The following MAP3K20 variants were observed in gnomAD, a reference collection of about 807,000 sequenced individuals.
MAP3K20 encodes the protein HCCS-4.
In MAP3K20, 40 loss-of-function variants were observed where a neutral mutation model predicts 85.7. The ratio of observed to expected loss-of-function variants is 0.47; its 90% CI spans 0.36 to 0.61. The LOEUF (loss-of-function observed/expected upper bound fraction) is 0.61, where lower values mean the gene tolerates loss of function less well. Ranked by LOEUF, MAP3K20 falls within the 20% of genes least tolerant of loss-of-function variation. The pLI is 0.00. For synonymous variants in MAP3K20, 325 were observed against 327.7 expected, an observed-to-expected ratio of 0.99 and a Z score of 0.09; for missense variants, 817 against 961.7, an observed-to-expected ratio of 0.85 and a Z score of 1.99.
intron 2 of MAP3K20, among the ~76,000 whole-genome samples, chr2:173,125,116 C>T (rs1688405124): frequency 1.3e-5 from 2 of 152,198 alleles, no homozygotes; most frequent in South Asian, 2.1e-4. Context: ...AGTTAATCCA[C>T]AACTTGCACA....
chr2:173,218,253 GAATAA>G (rs1431633959), intron 11 of MAP3K20, among the ~76,000 whole-genome samples: 3 of 152,216 alleles, frequency 2.0e-5, no homozygotes, highest in African/African-American at 7.2e-5. Context: ...AGTGTCTAAA[GAATAA>G]AATAGTTTGT....
chr2:173,115,969 G>C (rs1688111263), intron 2 of MAP3K20, among the ~76,000 whole-genome samples: 1 of 151,474 alleles, frequency 6.6e-6, no homozygotes. Context: ...AGGCGAAGGG[G>C]AAGCAAGCAT....
At chr2:173,205,112 A>AT (rs1683635271) in intron 9 of MAP3K20, among the ~76,000 whole-genome samples, 5 of 139,916 alleles carry the variant, frequency 3.6e-5, no homozygotes, top group South Asian at 2.5e-4. Flanking sequence ...CAAAAAAAAA[A>AT]AAAAAAAAAA....
chr2:173,163,141 A>C (rs1271273654), intron 2 of MAP3K20, among the ~76,000 whole-genome samples: 1 of 152,244 alleles, frequency 6.6e-6, no homozygotes, highest in East Asian at 1.9e-4. Context: ...TTTAACTTTT[A>C]GGTTTAGGGG....
In MAP3K20 at chr2:173,132,778, C is replaced by G. The variant is rs549274473; in HGVS notation, c.160-37027C>G. On this transcript the variant is annotated intron_variant, in intron 2 of 19. Coordinates refer to ENST00000375213, the MANE Select transcript of MAP3K20 (RefSeq NM_016653.3). ...TAGCTTTGTGACCCAGGGCCCATTACACAACCACTAAATCTCTTTCTTCAT... is the reference window on the plus strand; with the variant it reads ...TAGCTTTGTGACCCAGGGCCCATTAGACAACCACTAAATCTCTTTCTTCAT... Among the ~76,000 whole-genome samples the G allele has an allele frequency of 9.7e-4, 148 of 152,268 alleles. 1 individual carries two copies. The highest frequency in any genetic ancestry group is 3.5e-3 in the African/African-American group (146 of 41,572).
chr2:173,114,848 C>T lies in MAP3K20; in HGVS notation c.159+23658C>T, dbSNP rs180809472. Reference sequence around the variant, plus strand: ...TGACAGTTCTTAAGATTCTTTCCTTCGTCTTAACTTTGGATAACCTGATGA... The same window carrying T: ...TGACAGTTCTTAAGATTCTTTCCTTTGTCTTAACTTTGGATAACCTGATGA... On this transcript the variant is annotated intron_variant, in intron 2 of 19. Coordinates refer to ENST00000375213, the MANE Select transcript of MAP3K20 (RefSeq NM_016653.3). 2.3e-3 allele frequency among the ~76,000 whole-genome samples: 344 copies of T among 152,270 alleles called. 1 individual carries two copies. The Middle Eastern group carries it at 0.027, about 12-fold the overall frequency.
chr2:173,260,976 T>C (rs1274167342), intron 17 of MAP3K20, 87 bp from the exon 18 acceptor site: 2 of 1,206,916 alleles, frequency 1.7e-6, no homozygotes, highest in African/African-American at 1.5e-5. Flanking sequence ...TTGCTAATTG[T>C]GTATGGCACA....
At chr2:173,086,030 A>C (rs1165790051) in intron 1 of MAP3K20, among the ~76,000 whole-genome samples, 2 of 151,954 alleles carry the variant, frequency 1.3e-5, no homozygotes, top group Admixed American at 6.6e-5. Context: ...TCCTGACCTC[A>C]AGTGATCCAC....
At chr2:173,220,472 T>C (rs1168700524) in intron 11 of MAP3K20, among the ~76,000 whole-genome samples, 1 of 147,570 alleles carries the variant, frequency 6.8e-6, no homozygotes, top group Admixed American at 6.8e-5. Context: ...TACTTACGTC[T>C]AACTTAAATG....
At position 173,111,873 on chromosome 2, in the gene MAP3K20, A is replaced by T. The variant is rs536711722; in HGVS notation, c.159+20683A>T. On this transcript the variant is annotated intron_variant, in intron 2 of 19. Coordinates refer to ENST00000375213, the MANE Select transcript of MAP3K20 (RefSeq NM_016653.3). The stretch of plus-strand genomic sequence containing the variant: ...CAGGTAGTGTGATGCCTCCAGATTT[A>T]TTCTTTTTGCTTAGCTATGCATGCT... Among the ~76,000 whole-genome samples the T allele has an allele frequency of 3.3e-5, 5 of 152,008 alleles. No individual in the cohort carries two copies. The South Asian group carries it at 8.3e-4, about 25-fold the overall frequency.
chr2:173,128,312 CTTATTTAT>C lies in MAP3K20; in HGVS notation c.159+37153_159+37160del, dbSNP rs59187122. On this transcript the variant is annotated intron_variant, in intron 2 of 19. Transcript: ENST00000375213. The stretch of plus-strand genomic sequence containing the variant: ...AGCATATGGAAAACATTATAGTTGA[CTTATTTAT>C]TTATTTATTTATTTATTTATTTATT... Among the ~76,000 whole-genome samples, 614 of 145,916 alleles carry C rather than the reference CTTATTTAT, an allele frequency of 4.2e-3. 2 individuals are homozygous for C. Among genetic ancestry groups the C allele is most frequent in the African/African-American group, 0.014 (540 of 39,158 alleles).
In MAP3K20 at chr2:173,169,871, C is replaced by G; in HGVS notation, c.226C>G (p.Pro76Ala). Reference protein sequence around the residue: ...IQFYGVILEPPNYGIVTEYAS... With the variant: ...IQFYGVILEPANYGIVTEYAS... ...GTTTTATGGAGTAATTCTTGAACCTCCCAACTATGGCATTGTCACAGGTAA... is the reference window on the plus strand; with the variant it reads ...GTTTTATGGAGTAATTCTTGAACCTGCCAACTATGGCATTGTCACAGGTAA... The change falls in exon 3 of 20, where the codon CCC (proline) becomes GCC (alanine). Residue 76 changes from proline (P) to alanine (A), a missense_variant. By Grantham distance (27) the Pro-to-Ala change is conservative. This residue lies in a region of MAP3K20 where 200 missense variants were observed against 302.7 expected (regional missense o/e 0.66). Transcript: ENST00000375213. 1 of 1,613,906 alleles carries G rather than the reference C, an allele frequency of 6.2e-7. No individual in the cohort carries two copies. Among genetic ancestry groups the G allele is most frequent in the Non-Finnish European group, 8.5e-7 (1 of 1,179,934 alleles).
At chr2:173,233,575 C>A (rs1307145756) in intron 14 of MAP3K20, among the ~76,000 whole-genome samples, 2 of 152,180 alleles carry the variant, frequency 1.3e-5, no homozygotes, top group Non-Finnish European at 2.9e-5. Context: ...ACCCACCCCC[C>A]ATTCCAGTGT....
At chr2:173,215,375 C>T (rs1012333244) in intron 10 of MAP3K20, among the ~76,000 whole-genome samples, 2 of 151,958 alleles carry the variant, frequency 1.3e-5, no homozygotes, top group Non-Finnish European at 2.9e-5. Context: ...AGGTTTTTCA[C>T]GTTTTTTTCC....
intron 11 of MAP3K20, among the ~76,000 whole-genome samples, chr2:173,218,992 TTTC>T (rs1449530451): frequency 6.6e-6 from 1 of 152,322 alleles, no homozygotes; most frequent in South Asian, 2.1e-4. Context: ...TCAATGAGAT[TTTC>T]TTCTTTTTTC....
intron 2 of MAP3K20, among the ~76,000 whole-genome samples, chr2:173,114,293 C>G (rs948398246): frequency 6.6e-6 from 1 of 152,094 alleles, no homozygotes; most frequent in Admixed American, 6.5e-5. Context: ...CTAGGTGAGT[C>G]TCCTGAAGAC....
chr2:173,226,038 T>C, intron 11 of MAP3K20: 2 of 985,424 alleles, frequency 2.0e-6, no homozygotes, highest in Non-Finnish European at 2.4e-6. Context: ...TGAAAAGACG[T>C]TGAAAGCCTA....
intron 2 of MAP3K20, among the ~76,000 whole-genome samples, chr2:173,145,153 T>C (rs1284168197): frequency 1.3e-5 from 2 of 152,098 alleles, no homozygotes; most frequent in African/African-American, 4.8e-5. Flanking sequence ...AGGTAATCTC[T>C]TGTGACCTTT....
intron 11 of MAP3K20, chr2:173,224,696 T>C: frequency 2.0e-6 from 2 of 985,460 alleles, no homozygotes; most frequent in Non-Finnish European, 2.4e-6. Context: ...GCTCTATTAC[T>C]TTCTGTTCCC....
Sources: allele counts gnomAD v4.1 joint callset (sites outside exome capture counted in the v4.1 genomes callset), GRCh38; gene constraint gnomAD v4.1.1; regional missense constraint gnomAD v4.1.1; transcripts MANE v1.5; gene names NCBI Gene and HGNC (gene_info 2026-07-23, HGNC 2026-07-21).